Variants in GAPVD1 observed in about 807,000 individuals in gnomAD.
GAPVD1 encodes the protein GTPase activating protein and VPS9 domains 1, also known as GTPase-activating protein and VPS9 domain-containing protein 1.
In GAPVD1, 35 loss-of-function variants were observed where a neutral mutation model predicts 155.5. That is an observed-to-expected ratio of 0.23 (90% CI 0.17 to 0.30). The LOEUF (loss-of-function observed/expected upper bound fraction) is 0.30, where lower values mean the gene tolerates loss of function less well. GAPVD1 is among the 10% of genes least tolerant of loss of function. GAPVD1 has a pLI of 1.00. For missense variants in GAPVD1, 1,429 were observed against 1,775.7 expected (o/e 0.80, Z 3.51); for synonymous variants, 636 against 619.7 (o/e 1.03, Z -0.39).
At chr9:125,308,161 A>G (rs1842135552) in intron 8 of GAPVD1, 1 of 530,888 alleles carries the variant, frequency 1.9e-6, no homozygotes, top group Middle Eastern at 5.1e-4. Flanking sequence ...AATTTTGGAA[A>G]TGTTATAAGT....
At position 125,326,405 on chromosome 9, in the gene GAPVD1, GT is replaced by G; in HGVS notation, c.1859-6del. 6.3e-7 allele frequency: 1 copy of G among 1,593,408 alleles called. No individual in the cohort carries two copies. The highest frequency in any genetic ancestry group is 8.6e-7 in the Non-Finnish European group (1 of 1,164,506). On this transcript the variant is annotated splice_polypyrimidine_tract_variant and intron_variant, in intron 11 of 27. Coordinates refer to ENST00000297933, the MANE Select transcript of GAPVD1 (RefSeq NM_001282680.3). ...TACTATTTTAAAAGTGCTTAATTTT[GT>G]TTTTGATAGCTACAACACAGGATAA...
intron 8 of GAPVD1, 109 bp from the exon 9 acceptor site, chr9:125,312,341 CTT>C: frequency 1.5e-6 from 1 of 678,150 alleles, no homozygotes; most frequent in South Asian, 2.1e-5. Context: ...TTTTACCACT[CTT>C]GTGCATGTGC....
At chr9:125,313,151 AT>A (rs1842892378) in intron 9 of GAPVD1, among the ~76,000 whole-genome samples, 1 of 151,732 alleles carries the variant, frequency 6.6e-6, no homozygotes, top group African/African-American at 2.4e-5. Context: ...CACTTATTCC[AT>A]TTGTGAGGGC....
intron 9 of GAPVD1, among the ~76,000 whole-genome samples, chr9:125,320,505 G>T (rs1588925404): frequency 6.6e-6 from 1 of 152,084 alleles, no homozygotes; most frequent in South Asian, 2.1e-4. Context: ...ATTAAATCTT[G>T]ATGCCTACAA....
At chr9:125,346,780 C>T (rs147251807) in intron 19 of GAPVD1, 39 bp from the exon 20 acceptor site, 3 of 1,565,116 alleles carry the variant, frequency 1.9e-6, no homozygotes, top group Non-Finnish European at 2.6e-6. Context: ...GTGGTACAAA[C>T]CCAAGGGGCT....
chr9:125,334,121 A>G (rs1846507819), intron 15 of GAPVD1, among the ~76,000 whole-genome samples: 1 of 151,616 alleles, frequency 6.6e-6, no homozygotes, highest in Admixed American at 6.6e-5. Flanking sequence ...AGTGTAGATG[A>G]AGTCACAACT....
chr9:125,280,981 T>A (rs1836698628), intron 2 of GAPVD1, among the ~76,000 whole-genome samples: 1 of 152,216 alleles, frequency 6.6e-6, no homozygotes, highest in Non-Finnish European at 1.5e-5. Context: ...ATATTTCCTT[T>A]GCTTCGATTG....
chr9:125,344,805 A>AT (rs1228518192), intron 19 of GAPVD1, among the ~76,000 whole-genome samples: 1 of 150,852 alleles, frequency 6.6e-6, no homozygotes, highest in African/African-American at 2.4e-5. Flanking sequence ...CCTTGTTTCT[A>AT]TTAAAAAAAA....
intron 9 of GAPVD1, among the ~76,000 whole-genome samples, chr9:125,319,863 G>C (rs1220319293): frequency 2.6e-5 from 4 of 152,072 alleles, no homozygotes; most frequent in Admixed American, 2.6e-4. Context: ...CCAGAGTGCT[G>C]GGGTTACAGG....
chr9:125,276,074 A>G (rs1201437667), intron 2 of GAPVD1, among the ~76,000 whole-genome samples: 3 of 152,202 alleles, frequency 2.0e-5, no homozygotes, highest in South Asian at 2.1e-4. Context: ...TACTTTTGAC[A>G]TCTTCCAGAA....
chr9:125,349,513 C>T lies in GAPVD1; in HGVS notation c.3293C>T (p.Ser1098Phe), dbSNP rs1249059421. The T allele has an allele frequency of 1.9e-6, 3 of 1,613,916 alleles. No homozygotes were observed. Among genetic ancestry groups the T allele is most frequent in the East Asian group, 2.2e-5 (1 of 44,880 alleles). The change falls in exon 21 of 28, where the codon TCT (serine) becomes TTT (phenylalanine). Residue 1098 changes from serine to phenylalanine, a missense_variant. By Grantham distance (155) the Ser-to-Phe change is radical. Around this residue, in one of 4 missense-constraint regions of GAPVD1, gnomAD observed 699 missense variants for 826.0 expected, o/e 0.85. Coordinates refer to ENST00000297933, the MANE Select transcript of GAPVD1 (RefSeq NM_001282680.3). Reference sequence around the variant, plus strand: ...GCCCACCCGCAGGATTCAGCTTTCTCTTACAGGTATTTCTTTTATAGGATT... The same window carrying T: ...GCCCACCCGCAGGATTCAGCTTTCTTTTACAGGTATTTCTTTTATAGGATT... ...QAAHPQDSAF[S>F]YRDAKKKLRL...
chr9:125,327,946 C>T (rs966270710), intron 12 of GAPVD1, among the ~76,000 whole-genome samples: 7 of 152,170 alleles, frequency 4.6e-5, no homozygotes, highest in African/African-American at 1.7e-4. Context: ...TCTCTCCCCT[C>T]ATTATGTTTA....
In GAPVD1 at chr9:125,337,080, C is replaced by G. The variant is rs1847140691; in HGVS notation, c.2491C>G (p.Leu831Val). ...SESLLAMFDP[L>V]SSHEGASAVV... ...GTCTCTGCTGGCCATGTTTGATCCACTGTCTTCACATGAAGGTAAACCAGT... is the reference window on the plus strand; with the variant it reads ...GTCTCTGCTGGCCATGTTTGATCCAGTGTCTTCACATGAAGGTAAACCAGT... Residue 831 changes from leucine to valine, a missense_variant, in exon 16 of 28, where the codon CTG (leucine) becomes GTG (valine). By Grantham distance (32) the Leu-to-Val change is conservative. Transcript: ENST00000297933. The G allele has an allele frequency of 1.9e-6, 3 of 1,612,202 alleles. No individual in the cohort carries two copies. Among genetic ancestry groups the G allele is most frequent in the Non-Finnish European group, 1.7e-6 (2 of 1,178,328 alleles).
At chr9:125,307,336 C>A in intron 6 of GAPVD1, 77 bp from the exon 7 acceptor site, 1 of 978,960 alleles carries the variant, frequency 1.0e-6, no homozygotes, top group Non-Finnish European at 1.5e-6. Flanking sequence ...TTTTTTCATG[C>A]TTGTCCACCT....
At chr9:125,281,662 A>C (rs1394263428) in intron 2 of GAPVD1, among the ~76,000 whole-genome samples, 7 of 152,076 alleles carry the variant, frequency 4.6e-5, no homozygotes, top group Admixed American at 2.0e-4. Flanking sequence ...CTCAGTTTTT[A>C]CCTAGTGTCC....
intron 2 of GAPVD1, among the ~76,000 whole-genome samples, chr9:125,292,554 G>A (rs751896953): frequency 1.4e-4 from 22 of 151,996 alleles, no homozygotes; most frequent in Admixed American, 2.6e-4. Flanking sequence ...CACCAAGCCC[G>A]GCTAATTTTT....
intron 2 of GAPVD1, among the ~76,000 whole-genome samples, chr9:125,294,588 C>T (rs1156294974): frequency 6.6e-6 from 1 of 151,614 alleles, no homozygotes; most frequent in Non-Finnish European, 1.5e-5. Context: ...CGTTGTGATC[C>T]ACCTGCCTCA....
Position 125,276,174 on chromosome 9 carries a change from C to T in GAPVD1, c.-150+7190C>T, listed in dbSNP as rs146404013. On this transcript the variant is annotated intron_variant, in intron 2 of 27. Coordinates refer to ENST00000297933, the MANE Select transcript of GAPVD1 (RefSeq NM_001282680.3). ...TTACCTGTATTTTCAAAGTAATTTG[C>T]CTTTCAATTCCTTGTACTTGTGCCA... Among the ~76,000 whole-genome samples the T allele has an allele frequency of 3.2e-4, 48 of 152,236 alleles. No individual in the cohort carries two copies. The East Asian group carries it at 9.2e-3, about 29-fold the overall frequency.
intron 19 of GAPVD1, among the ~76,000 whole-genome samples, chr9:125,344,925 T>G (rs761145777): frequency 2.0e-4 from 31 of 152,204 alleles, no homozygotes; most frequent in Non-Finnish European, 4.4e-5. Flanking sequence ...TAAGAATCTC[T>G]TATGAATTCA....
Sources: allele counts gnomAD v4.1 joint callset (sites outside exome capture counted in the v4.1 genomes callset), GRCh38; gene constraint gnomAD v4.1.1; regional missense constraint gnomAD v4.1.1; transcripts MANE v1.5; gene names NCBI Gene and HGNC (gene_info 2026-07-23, HGNC 2026-07-21).